PCDHGA11: variants seen among roughly 807,000 people sequenced by gnomAD.
The protein encoded by PCDHGA11 is protocadherin gamma subfamily A, 11.
In PCDHGA11, 39 loss-of-function variants were observed where a neutral mutation model predicts 60.4. That is an observed-to-expected ratio of 0.65 (90% CI 0.50 to 0.84). The LOEUF is 0.84. Among genes scored for constraint, PCDHGA11 ranks in the 40% least tolerant of loss-of-function variants. The pLI is 0.00. For missense variants in PCDHGA11, 1,165 were observed against 1,197.7 expected, an observed-to-expected ratio of 0.97 and a Z score of 0.40; for synonymous variants, 533 against 510.3, an observed-to-expected ratio of 1.04 and a Z score of -0.60.
Position 141,487,494 on chromosome 5 carries a change from C to A in PCDHGA11, c.2434-7313C>A, listed in dbSNP as rs116370895. On this transcript the variant is annotated intron_variant, in intron 1 of 3. Transcript: ENST00000398587. The surrounding 1 kb of genome is among the most constrained non-coding windows in gnomAD (Gnocchi z 5.0). The stretch of plus-strand genomic sequence containing the variant: ...GGAGGCCACTCTCATGGCTGTACAC[C>A]CTTGGCTTCTGCACCCACTCGGAGT... 1,421 of 1,614,120 alleles carry A rather than the reference C, an allele frequency of 8.8e-4. 3 individuals are homozygous for A. Among genetic ancestry groups the A allele is most frequent in the Non-Finnish European group, 1.2e-3 (1,358 of 1,180,034 alleles).
rs1006751011 is a variant in PCDHGA11, at chr5:141,431,033, C to T, written c.2433+7373C>T. ...CTTGGTCACGGCGGGCAGGATAGAC[C>T]GGGAGGAGCTCTGTATGGGGGCCAT... On this transcript the variant is annotated intron_variant, in intron 1 of 3. Coordinates refer to ENST00000398587, the MANE Select transcript of PCDHGA11 (RefSeq NM_018914.3). This position sits in a 1 kb window ranked among gnomAD's most constrained non-coding sequence, Gnocchi z 4.8. 1.2e-6 allele frequency: 2 copies of T among 1,613,864 alleles called. No homozygotes were observed. The highest frequency in any genetic ancestry group is 1.3e-5 in the African/African-American group (1 of 74,924).
intron 1 of PCDHGA11, among the ~76,000 whole-genome samples, chr5:141,468,064 C>T (rs1026571562): frequency 3.3e-5 from 5 of 152,076 alleles, no homozygotes; most frequent in Non-Finnish European, 7.4e-5. Flanking sequence ...GTGGCTCACA[C>T]CTGTAATCCC....
chr5:141,466,450 G>A lies in PCDHGA11; in HGVS notation c.2434-28357G>A, dbSNP rs139024933. Reference sequence around the variant, plus strand: ...TAAGCTGAACCGAGATGTCTATGGTGTTGGCTATTGTTTCTGCTGTTAATT... The same window carrying A: ...TAAGCTGAACCGAGATGTCTATGGTATTGGCTATTGTTTCTGCTGTTAATT... On this transcript the variant is annotated intron_variant, in intron 1 of 3. Coordinates refer to ENST00000398587, the MANE Select transcript of PCDHGA11 (RefSeq NM_018914.3). Among the ~76,000 whole-genome samples, 714 of 152,290 alleles carry A rather than the reference G, an allele frequency of 4.7e-3. 2 individuals are homozygous for A. Among genetic ancestry groups the A allele is most frequent in the Non-Finnish European group, 7.0e-3 (479 of 68,028 alleles).
Position 141,485,395 on chromosome 5 carries a change from C to T in PCDHGA11, c.2434-9412C>T. On this transcript the variant is annotated intron_variant, in intron 1 of 3. Coordinates refer to ENST00000398587, the MANE Select transcript of PCDHGA11 (RefSeq NM_018914.3). The surrounding 1 kb of genome is among the most constrained non-coding windows in gnomAD (Gnocchi z 5.7). Reference sequence around the variant, plus strand: ...TCGCTGGAGAGGTGAACCAAAGACACTTCCGTGTGGATTTGGACAGCGGAG... The same window carrying T: ...TCGCTGGAGAGGTGAACCAAAGACATTTCCGTGTGGATTTGGACAGCGGAG... 5 of 1,614,154 alleles carry T rather than the reference C, an allele frequency of 3.1e-6. No homozygotes were observed. Among genetic ancestry groups the T allele is most frequent in the Non-Finnish European group, 3.4e-6 (4 of 1,180,026 alleles).
intron 1 of PCDHGA11, among the ~76,000 whole-genome samples, chr5:141,467,395 G>A (rs1197131223): frequency 6.6e-6 from 1 of 152,056 alleles, no homozygotes; most frequent in African/African-American, 2.4e-5. Flanking sequence ...TTAAGTCATA[G>A]TTAGAAAGCC....
At chr5:141,506,076 T>C (rs2154593839) in intron 3 of PCDHGA11, among the ~76,000 whole-genome samples, 1 of 152,244 alleles carries the variant, frequency 6.6e-6, no homozygotes, top group South Asian at 2.1e-4. Flanking sequence ...TCCTTTGTAA[T>C]AGAGATTCGG....
Position 141,511,350 on chromosome 5 carries a change from C to G in PCDHGA11, c.*177C>G, listed in dbSNP as rs1303365585. 4.3e-6 allele frequency: 6 copies of G among 1,397,194 alleles called. No homozygotes were observed. Among genetic ancestry groups the G allele is most frequent in the East Asian group, 2.5e-5 (1 of 39,862 alleles). The allele number at this position is 1,397,194 out of a possible 1,614,324, so 86.5% of individuals were successfully genotyped here. On this transcript the variant is annotated 3_prime_UTR_variant, in exon 4 of 4. Transcript: ENST00000398587. ...CCCAGTCAGCACCTACCCCTTCCCC[C>G]CCAGGGGGTTGAATATGCAAAAGCA...
chr5:141,502,308 C>T (rs928137926), intron 2 of PCDHGA11, among the ~76,000 whole-genome samples: 2 of 151,586 alleles, frequency 1.3e-5, no homozygotes, highest in Non-Finnish European at 2.9e-5. Flanking sequence ...CTTTCCTCTC[C>T]TTTAATCTGG....
chr5:141,441,993 G>T (rs577673608), intron 1 of PCDHGA11: 16 of 251,180 alleles, frequency 6.4e-5, no homozygotes, highest in East Asian at 3.9e-4. Flanking sequence ...CACCGACGAG[G>T]TGCTGACAGC....
chr5:141,494,901 G>C, intron 2 of PCDHGA11, 36 bp downstream of exon 2: 1 of 1,614,050 alleles, frequency 6.2e-7, no homozygotes, highest in Non-Finnish European at 8.5e-7. Context: ...CCTCTTCTCT[G>C]CGGCATTTTC....
chr5:141,464,572 A>G (rs912710973), intron 1 of PCDHGA11, among the ~76,000 whole-genome samples: 5 of 152,148 alleles, frequency 3.3e-5, no homozygotes, highest in African/African-American at 1.2e-4. Flanking sequence ...CTACAAATAG[A>G]TGAGAATGTC....
At chr5:141,488,660 G>A (rs1274725688) in intron 1 of PCDHGA11, among the ~76,000 whole-genome samples, 1 of 152,148 alleles carries the variant, frequency 6.6e-6, no homozygotes, top group East Asian at 1.9e-4. Flanking sequence ...GGGAGGGTGG[G>A]GGAATACATG....
At chr5:141,492,241 C>T (rs1351937353) in intron 1 of PCDHGA11, among the ~76,000 whole-genome samples, 1 of 152,186 alleles carries the variant, frequency 6.6e-6, no homozygotes, top group African/African-American at 2.4e-5. Flanking sequence ...TGCTGGCCAC[C>T]CCCACGGCCC....
Position 141,476,993 on chromosome 5 carries a change from C to A in PCDHGA11, c.2434-17814C>A. 6.2e-7 allele frequency: 1 copy of A among 1,614,244 alleles called. No individual in the cohort carries two copies. Among genetic ancestry groups the A allele is most frequent in the South Asian group, 1.1e-5 (1 of 91,086 alleles). Reference sequence around the variant, plus strand: ...CAGCCACAACCGCGCCGGCGTGCGGCAACTATTCGCCTTAGACCTTGTAAC... The same window carrying A: ...CAGCCACAACCGCGCCGGCGTGCGGAAACTATTCGCCTTAGACCTTGTAAC... On this transcript the variant is annotated intron_variant, in intron 1 of 3. Coordinates refer to ENST00000398587, the MANE Select transcript of PCDHGA11 (RefSeq NM_018914.3). This position sits in a 1 kb window ranked among gnomAD's most constrained non-coding sequence, Gnocchi z 7.6.
At chr5:141,508,017 G>C (rs2099865601) in intron 3 of PCDHGA11, 1 of 152,310 alleles carries the variant, frequency 6.6e-6, no homozygotes, top group Non-Finnish European at 1.5e-5. Context: ...TCTCAAGGAG[G>C]CTGCGGTTTG....
Position 141,478,335 on chromosome 5 carries a change from C to T in PCDHGA11, c.2434-16472C>T, listed in dbSNP as rs202213361. On this transcript the variant is annotated intron_variant, in intron 1 of 3. Coordinates refer to ENST00000398587, the MANE Select transcript of PCDHGA11 (RefSeq NM_018914.3). ...AGCTCACTGTACCGAACACCAGGGC[C>T]CTCCTTGCACGCGGACGCCGTGCGG... 4.7e-5 allele frequency: 76 copies of T among 1,613,822 alleles called. No individual in the cohort carries two copies. The highest frequency in any genetic ancestry group is 6.1e-5 in the Non-Finnish European group (72 of 1,180,028).
chr5:141,497,626 G>T (rs1373764805), intron 2 of PCDHGA11, among the ~76,000 whole-genome samples: 3 of 149,502 alleles, frequency 2.0e-5, no homozygotes, highest in Non-Finnish European at 4.4e-5. Flanking sequence ...TGCAACCTCT[G>T]CCTGCCAGGT....
At position 141,485,880 on chromosome 5, in the gene PCDHGA11, A is replaced by G; in HGVS notation, c.2434-8927A>G. 1 of 1,614,124 alleles carries G rather than the reference A, an allele frequency of 6.2e-7. No individual in the cohort carries two copies. Among genetic ancestry groups the G allele is most frequent in the Non-Finnish European group, 8.5e-7 (1 of 1,180,026 alleles). On this transcript the variant is annotated intron_variant, in intron 1 of 3. Transcript: ENST00000398587. The surrounding 1 kb of genome is among the most constrained non-coding windows in gnomAD (Gnocchi z 5.7). ...CTCCGGGTATCCGTGCTGGACGTAA[A>G]CGACAACGCCCCAGCCTTCCAGCAA... is the stretch of plus-strand genomic sequence containing the variant.
chr5:141,497,495 T>C (rs193075970), intron 2 of PCDHGA11, among the ~76,000 whole-genome samples: 28 of 151,186 alleles, frequency 1.9e-4, no homozygotes, highest in Admixed American at 1.7e-3. Context: ...TCTCTCTCTC[T>C]CCTCTCTCTG....
Sources: allele counts gnomAD v4.1 joint callset (sites outside exome capture counted in the v4.1 genomes callset), GRCh38; gene constraint gnomAD v4.1.1; non-coding constraint Gnocchi (gnomAD v3.1); transcripts MANE v1.5; gene names NCBI Gene and HGNC (gene_info 2026-07-23, HGNC 2026-07-21).